TRAPPC9: variants seen among roughly 807,000 people sequenced by gnomAD.
The protein encoded by TRAPPC9 is IKK2 binding protein.
Under a neutral mutation model 124.0 loss-of-function variants are expected in TRAPPC9, and 83 were observed. That is an observed-to-expected ratio of 0.67 (90% CI 0.56 to 0.80). The LOEUF (loss-of-function observed/expected upper bound fraction) is 0.80. TRAPPC9 is among the 30% of genes least tolerant of loss of function. TRAPPC9 has a pLI of 0.00. For missense variants in TRAPPC9, 1,302 were observed against 1,508.3 expected (o/e 0.86, Z 2.27); for synonymous variants, 638 against 617.5 (o/e 1.03, Z -0.49).
At chr8:140,085,073 G>A (rs370974162) in intron 17 of TRAPPC9, among the ~76,000 whole-genome samples, 54 of 152,260 alleles carry the variant, frequency 3.5e-4, no homozygotes, top group African/African-American at 1.3e-3. Flanking sequence ...AGTGGAGATG[G>A]GGGTGCAGGG....
intron 9 of TRAPPC9, among the ~76,000 whole-genome samples, chr8:140,323,525 C>T (rs2066655270): frequency 1.3e-5 from 2 of 151,990 alleles, no homozygotes; most frequent in African/African-American, 4.8e-5. Flanking sequence ...TTCAGATAGA[C>T]GGTATCAGAA....
At chr8:140,185,435 C>G (rs6995296) in intron 17 of TRAPPC9, among the ~76,000 whole-genome samples, 27,107 of 152,200 alleles carry the variant, frequency 0.18, 3,226 homozygotes, top group East Asian at 0.64. Flanking sequence ...GCGTTTCTCT[C>G]TCCCTTAACT....
intron 14 of TRAPPC9, among the ~76,000 whole-genome samples, chr8:140,283,688 T>G (rs1463503650): frequency 6.6e-6 from 1 of 152,168 alleles, no homozygotes; most frequent in Non-Finnish European, 1.5e-5. Flanking sequence ...CATTCTGTTC[T>G]GATCATGGTA....
intron 21 of TRAPPC9, among the ~76,000 whole-genome samples, chr8:139,764,201 G>T (rs951700467): frequency 6.6e-6 from 1 of 152,156 alleles, no homozygotes; most frequent in African/African-American, 2.4e-5. Context: ...GCCTGGGGTG[G>T]GTGTGCTCGA....
intron 9 of TRAPPC9, among the ~76,000 whole-genome samples, chr8:140,343,885 C>T (rs926632863): frequency 6.6e-6 from 1 of 152,298 alleles, no homozygotes; most frequent in South Asian, 2.1e-4. Flanking sequence ...ACCAAATCCA[C>T]ACCCAGCTGA....
At chr8:140,231,336 T>G (rs2063587873) in intron 16 of TRAPPC9, among the ~76,000 whole-genome samples, 1 of 152,216 alleles carries the variant, frequency 6.6e-6, no homozygotes, top group South Asian at 2.1e-4. Flanking sequence ...AATAAGGACA[T>G]GAATGAATGA....
At chr8:140,385,367 A>T (rs1420823154) in intron 7 of TRAPPC9, among the ~76,000 whole-genome samples, 1 of 152,186 alleles carries the variant, frequency 6.6e-6, no homozygotes, top group Non-Finnish European at 1.5e-5. Flanking sequence ...TTAAAAATCA[A>T]TGAATCCAGG....
rs937353688 is a variant in TRAPPC9, at chr8:140,457,734, C to T, written c.-106G>A. 7.0e-6 allele frequency: 7 copies of T among 995,630 alleles called. No individual in the cohort carries two copies. The Admixed American group carries it at 4.1e-4, about 58-fold the overall frequency. The allele number at this position is 995,630 out of a possible 1,614,324, so 61.7% of individuals were successfully genotyped here. ...GGCCACTTCCCAGGCTCTGGGCTGG[C>T]GCTTCCTACTGGCGGCCGAGCCGGC... On this transcript the variant is annotated 5_prime_UTR_variant, in exon 1 of 23. Transcript: ENST00000438773.
chr8:140,023,320 C>A (rs1839927694), intron 18 of TRAPPC9, among the ~76,000 whole-genome samples: 2 of 152,210 alleles, frequency 1.3e-5, no homozygotes, highest in South Asian at 2.1e-4. Flanking sequence ...ATCATTCTCC[C>A]ACCTCAGAAA....
chr8:140,106,759 T>C (rs1263599533), intron 17 of TRAPPC9, among the ~76,000 whole-genome samples: 3 of 152,206 alleles, frequency 2.0e-5, no homozygotes, highest in Non-Finnish European at 4.4e-5. Context: ...CTCAAACGTA[T>C]TGTTACAAGA....
At chr8:140,172,674 G>T (rs531172424) in intron 17 of TRAPPC9, among the ~76,000 whole-genome samples, 10 of 152,128 alleles carry the variant, frequency 6.6e-5, no homozygotes, top group Non-Finnish European at 4.4e-5. Flanking sequence ...CAGAAATGCC[G>T]CACACTGTGC....
At chr8:139,879,897 A>C (rs1829571813) in intron 21 of TRAPPC9, among the ~76,000 whole-genome samples, 1 of 152,214 alleles carries the variant, frequency 6.6e-6, no homozygotes. Context: ...GTAACTGCTC[A>C]GGGCACTCGG....
intron 19 of TRAPPC9, among the ~76,000 whole-genome samples, chr8:139,955,622 C>G (rs1054699458): frequency 1.7e-4 from 26 of 152,106 alleles, no homozygotes; most frequent in African/African-American, 5.8e-4. Flanking sequence ...GAGAACTGCA[C>G]AATTGGAAGG....
At position 140,216,509 on chromosome 8, in the gene TRAPPC9, C is replaced by T. The variant is rs937361738; in HGVS notation, c.2556+4950G>A. ...CCTCTTCTTGTCTAACAGAGTACCT[C>T]AAATGTGAGAGATGCCCCCCAAAAG... On this transcript the variant is annotated intron_variant, in intron 17 of 22. Coordinates refer to ENST00000438773, the MANE Select transcript of TRAPPC9 (RefSeq NM_001160372.4). The surrounding 1 kb of genome is among the most constrained non-coding windows in gnomAD (Gnocchi z 4.1). 1.9e-4 allele frequency among the ~76,000 whole-genome samples: 29 copies of T among 152,190 alleles called. No individual in the cohort carries two copies. The highest frequency in any genetic ancestry group is 6.3e-4 in the African/African-American group (26 of 41,450).
At chr8:140,101,921 G>A (rs1177519897) in intron 17 of TRAPPC9, among the ~76,000 whole-genome samples, 1 of 151,514 alleles carries the variant, frequency 6.6e-6, no homozygotes, top group Admixed American at 6.6e-5. Flanking sequence ...TGTCTTCAGA[G>A]TTGGGAAAAA....
chr8:139,970,531 C>T (rs1322458945), intron 19 of TRAPPC9, among the ~76,000 whole-genome samples: 1 of 152,132 alleles, frequency 6.6e-6, no homozygotes, highest in Non-Finnish European at 1.5e-5. Context: ...AGAGAGGCCC[C>T]TTCATACAGC....
At chr8:140,408,362 G>C (rs535339444) in intron 5 of TRAPPC9, among the ~76,000 whole-genome samples, 10 of 152,280 alleles carry the variant, frequency 6.6e-5, no homozygotes, top group Non-Finnish European at 1.2e-4. Context: ...ATTCACTAAA[G>C]AGATAGGTAC....
At chr8:139,986,982 C>T (rs1226260429) in intron 19 of TRAPPC9, among the ~76,000 whole-genome samples, 3 of 152,342 alleles carry the variant, frequency 2.0e-5, no homozygotes, top group East Asian at 1.9e-4. Flanking sequence ...ACTTTTGCAG[C>T]AACCTACAGC....
At chr8:140,432,229 A>G (rs1204918148) in intron 4 of TRAPPC9, among the ~76,000 whole-genome samples, 1 of 152,180 alleles carries the variant, frequency 6.6e-6, no homozygotes, top group East Asian at 1.9e-4. Context: ...AATTGTTGGC[A>G]TAATAAGAAA....
Sources: allele counts gnomAD v4.1 joint callset (sites outside exome capture counted in the v4.1 genomes callset), GRCh38; gene constraint gnomAD v4.1.1; non-coding constraint Gnocchi (gnomAD v3.1); transcripts MANE v1.5; gene names NCBI Gene and HGNC (gene_info 2026-07-23, HGNC 2026-07-21).